Variants in TACR3 observed in about 807,000 individuals in gnomAD.
TACR3 encodes neuromedin-K receptor.
Under a neutral mutation model 35.0 loss-of-function variants are expected in TACR3, and 34 were observed. That is an observed-to-expected ratio of 0.97 (90% CI 0.74 to 1.30). The LOEUF (loss-of-function observed/expected upper bound fraction) is 1.30, where lower values mean the gene tolerates loss of function less well. Among genes scored for constraint, TACR3 ranks in the 50% most tolerant of loss-of-function variants. TACR3 has a pLI of 0.00. For synonymous variants in TACR3, 233 were observed against 221.1 expected, an observed-to-expected ratio of 1.05 and a Z score of -0.48; for missense variants, 558 against 591.7, an observed-to-expected ratio of 0.94 and a Z score of 0.59.
intron 3 of TACR3, among the ~76,000 whole-genome samples, chr4:103,606,451 C>A (rs1042672554): frequency 2.4e-4 from 37 of 152,186 alleles, no homozygotes; most frequent in African/African-American, 7.2e-4. Context: ...TTCTTCCTAT[C>A]CATGAGCATG....
At chr4:103,599,964 C>A (rs1017695740) in intron 3 of TACR3, among the ~76,000 whole-genome samples, 6 of 152,086 alleles carry the variant, frequency 3.9e-5, no homozygotes, top group Non-Finnish European at 8.8e-5. Flanking sequence ...ATGATGCTGG[C>A]CTCATAAAAT....
chr4:103,712,025 C>T lies in TACR3; in HGVS notation c.548+7103G>A, dbSNP rs544644945. On this transcript the variant is annotated intron_variant, in intron 1 of 4. Transcript: ENST00000304883. ...CAAAGAAATGGAAGAACATTCCATG[C>T]TCATGGGTAGGAAGAATCAATATTG... Among the ~76,000 whole-genome samples, 30 of 152,288 alleles carry T rather than the reference C, an allele frequency of 2.0e-4. No individual in the cohort carries two copies. The South Asian group carries it at 5.8e-3, about 29-fold the overall frequency.
intron 4 of TACR3, chr4:103,591,181 T>G: frequency 2.4e-6 from 1 of 415,440 alleles, no homozygotes; most frequent in Admixed American, 3.9e-5. Context: ...CCTTTAATCA[T>G]GAGGGCACTT....
chr4:103,591,366 ATTC>A, intron 4 of TACR3, 118 bp downstream of exon 4: 1 of 1,169,914 alleles, frequency 8.5e-7, no homozygotes, highest in East Asian at 2.4e-5. Flanking sequence ...CTCTCAGTGA[ATTC>A]TTAAATTTTC....
intron 3 of TACR3, among the ~76,000 whole-genome samples, chr4:103,595,859 C>G (rs1723995050): frequency 6.7e-6 from 1 of 150,038 alleles, no homozygotes; most frequent in Non-Finnish European, 1.5e-5. Flanking sequence ...ACTAACTCAT[C>G]ATCTAGCATT....
At chr4:103,638,924 A>G (rs974333032) in intron 3 of TACR3, among the ~76,000 whole-genome samples, 1 of 152,196 alleles carries the variant, frequency 6.6e-6, no homozygotes, top group African/African-American at 2.4e-5. Context: ...GGCGATCATT[A>G]AAAAGTCAGG....
chr4:103,707,840 C>T (rs1447596020), intron 1 of TACR3, among the ~76,000 whole-genome samples: 1 of 152,184 alleles, frequency 6.6e-6, no homozygotes, highest in African/African-American at 2.4e-5. Context: ...GCAAACGGCA[C>T]ACCAGGAGAT....
chr4:103,639,796 A>T (rs892345469), intron 3 of TACR3, among the ~76,000 whole-genome samples: 7 of 151,928 alleles, frequency 4.6e-5, no homozygotes, highest in Non-Finnish European at 1.0e-4. Context: ...CCTTCTAGTT[A>T]CTTCTTTATC....
At position 103,613,422 on chromosome 4, in the gene TACR3, C is replaced by T. The variant is rs536777467; in HGVS notation, c.889-21739G>A. Among the ~76,000 whole-genome samples, 6 of 152,164 alleles carry T rather than the reference C, an allele frequency of 3.9e-5. No individual in the cohort carries two copies. The East Asian group carries it at 9.6e-4, about 24-fold the overall frequency. The stretch of plus-strand genomic sequence containing the variant: ...GCAACCTCTGCCTTCCAGGTTCAAG[C>T]GATTCTCCTGCCTCAACTTCCCGAG... On this transcript the variant is annotated intron_variant, in intron 3 of 4. Coordinates refer to ENST00000304883, the MANE Select transcript of TACR3 (RefSeq NM_001059.3).
chr4:103,719,296 A>G lies in TACR3; in HGVS notation c.380T>C (p.Leu127Pro), dbSNP rs1723156645. 1 of 1,614,140 alleles carries G rather than the reference A, an allele frequency of 6.2e-7. No individual in the cohort carries two copies. The highest frequency in any genetic ancestry group is 1.7e-5 in the Admixed American group (1 of 60,012). Residue 127 changes from leucine to proline, a missense_variant, in exon 1 of 5, where the codon CTG (leucine) becomes CCG (proline). Leu to Pro is a moderately conservative substitution (Grantham distance 98). Transcript: ENST00000304883. The stretch of plus-strand genomic sequence containing the variant: ...GGCCATGGAGGCGTCGGAGAAAGCC[A>G]GGTTCACAAGGAAGTAGTTGGTGAC... ...RTVTNYFLVN[L>P]AFSDASMAAF...
chr4:103,610,442 CA>C (rs1283236792), intron 3 of TACR3, among the ~76,000 whole-genome samples: 3 of 151,980 alleles, frequency 2.0e-5, no homozygotes, highest in Non-Finnish European at 4.4e-5. Flanking sequence ...AATGTCTACT[CA>C]GATCCTTTAT....
In TACR3 at chr4:103,588,424, G is replaced by C. The variant is rs186077032; in HGVS notation, c.*1258C>G. The C allele has an allele frequency of 6.6e-6, 1 of 152,006 alleles. No homozygotes were observed. The highest frequency in any genetic ancestry group is 2.4e-5 in the African/African-American group (1 of 41,416). 9.4% of individuals were successfully genotyped at this position (152,006 alleles called of 1,614,324 possible). The stretch of plus-strand genomic sequence containing the variant: ...CTTTTTACACTTAAAAGTATTTCTT[G>C]TTATGTTATGAGTCTCAGAAATGTG... On this transcript the variant is annotated 3_prime_UTR_variant, in exon 5 of 5. Transcript: ENST00000304883.
intron 1 of TACR3, among the ~76,000 whole-genome samples, chr4:103,692,301 C>T (rs777136944): frequency 6.6e-6 from 1 of 151,958 alleles, no homozygotes; most frequent in Non-Finnish European, 1.5e-5. Flanking sequence ...GACTTAAAGA[C>T]ATGTATTATT....
At chr4:103,614,086 T>G (rs573382591) in intron 3 of TACR3, among the ~76,000 whole-genome samples, 3 of 152,340 alleles carry the variant, frequency 2.0e-5, no homozygotes, top group Admixed American at 6.5e-5. Context: ...ATTTTGGTGA[T>G]GTACAATTTA....
chr4:103,597,272 T>A (rs1378275606), intron 3 of TACR3, among the ~76,000 whole-genome samples: 1 of 151,968 alleles, frequency 6.6e-6, no homozygotes, highest in African/African-American at 2.4e-5. Context: ...TGTTGTTTCC[T>A]GACTTTTTAA....
Position 103,588,611 on chromosome 4 carries a change from C to A in TACR3, c.*1071G>T, listed in dbSNP as rs1181438650. 2 of 152,028 alleles carry A rather than the reference C, an allele frequency of 1.3e-5. No homozygotes were observed. Among genetic ancestry groups the A allele is most frequent in the African/African-American group, 2.4e-5 (1 of 41,430 alleles). The allele number at this position is 152,028 out of a possible 1,614,324, so 9.4% of individuals were successfully genotyped here. A position where few individuals can be genotyped will look rare whatever the true frequency, so the allele number is the denominator to read the frequency against. ...CTCTTGCTCAGCTGTTATTAGTTTA[C>A]ATGTATCCAAACTATTGTGCAGATT... is the stretch of plus-strand genomic sequence containing the variant. On this transcript the variant is annotated 3_prime_UTR_variant, in exon 5 of 5. Transcript: ENST00000304883.
chr4:103,671,468 T>C (rs988240163), intron 1 of TACR3, among the ~76,000 whole-genome samples: 9 of 151,996 alleles, frequency 5.9e-5, no homozygotes, highest in African/African-American at 1.9e-4. Context: ...ATACATTACA[T>C]AATATTGGGC....
intron 3 of TACR3, among the ~76,000 whole-genome samples, chr4:103,602,031 C>G (rs142957145): frequency 2.6e-5 from 4 of 152,254 alleles, no homozygotes; most frequent in South Asian, 4.1e-4. Context: ...ACCAATCAGA[C>G]GTAGATTTGG....
rs183584422 is a variant in TACR3, at chr4:103,628,506, G to A, written c.888+27688C>T. On this transcript the variant is annotated intron_variant, in intron 3 of 4. Transcript: ENST00000304883. ...CACAGAAATACAAACTACCATCAGA[G>A]AATACTATAAACAACTCTACACAAA... Among the ~76,000 whole-genome samples the A allele has an allele frequency of 1.8e-3, 277 of 152,120 alleles. 1 individual carries two copies. Among genetic ancestry groups the A allele is most frequent in the African/African-American group, 6.3e-3 (263 of 41,518 alleles).
Sources: gnomAD v4.1 joint callset for allele counts (sites outside exome capture counted in the v4.1 genomes callset) on GRCh38, gnomAD v4.1.1 for gene constraint, MANE v1.5 for transcripts, NCBI Gene and HGNC (gene_info 2026-07-23, HGNC 2026-07-21) for gene names.